Variants in PKHD1 observed in about 807,000 individuals in gnomAD.
PKHD1 encodes the protein PKHD1 ciliary IPT domain containing fibrocystin/polyductin.
In PKHD1, 291 loss-of-function variants were observed where a neutral mutation model predicts 412.0. The ratio of observed to expected loss-of-function variants is 0.71; its 90% CI spans 0.64 to 0.78. The LOEUF is 0.78. Ranked by LOEUF, PKHD1 falls within the 30% of genes least tolerant of loss-of-function variation. The probability of loss-of-function intolerance (pLI) is 0.00; values close to 1 mark genes in which losing one functional copy is unlikely to be tolerated. For missense variants in PKHD1, 4,825 were observed against 4,950.7 expected (o/e 0.97, Z 0.76); for synonymous variants, 1,777 against 1,821.5 (o/e 0.98, Z 0.62).
Position 51,698,579 on chromosome 6 carries a change from T to A in PKHD1, c.10157-38610A>T, listed in dbSNP as rs145761659. Among the ~76,000 whole-genome samples the A allele has an allele frequency of 1.9e-4, 29 of 152,282 alleles. No individual in the cohort carries two copies. In the East Asian group the frequency reaches 5.4e-3, roughly 28 times the overall value. ...TGATCTAGGATGGTAATTCCCATGGTTCCTAAGGAGCACAAGCATCAATCA... is the reference window on the plus strand; with the variant it reads ...TGATCTAGGATGGTAATTCCCATGGATCCTAAGGAGCACAAGCATCAATCA... On this transcript the variant is annotated intron_variant, in intron 60 of 66. Transcript: ENST00000371117.
At chr6:51,858,186 C>A (rs1045816113) in intron 48 of PKHD1, among the ~76,000 whole-genome samples, 1 of 152,194 alleles carries the variant, frequency 6.6e-6, no homozygotes, top group Non-Finnish European at 1.5e-5. Context: ...GGGGTGTTTA[C>A]ATCTTCGAAT....
At chr6:51,733,551 T>A (rs1157495778) in intron 60 of PKHD1, among the ~76,000 whole-genome samples, 94 of 117,528 alleles carry the variant, frequency 8.0e-4, no homozygotes, top group Admixed American at 7.2e-3. Context: ...AAAAAAAAAA[T>A]GGTTAAGATG....
Position 51,847,922 on chromosome 6 carries a change from C to A in PKHD1, c.7960G>T (p.Val2654Leu), listed in dbSNP as rs1464426627. ...NFAPGNYLLL[V>L]HTDLPPYPDI... ...GGGTAAGGCGGCAAATCTGTGTGCA[C>A]CAGCAGTAGGTAATTACCAGGAGCA... Residue 2654 changes from valine to leucine, a missense_variant, in exon 50 of 67, where the codon GTG becomes TTG. Transcript: ENST00000371117. 2 of 1,613,950 alleles carry A rather than the reference C, an allele frequency of 1.2e-6. No homozygotes were observed. Among genetic ancestry groups the A allele is most frequent in the South Asian group, 1.1e-5 (1 of 91,070 alleles).
intron 19 of PKHD1, among the ~76,000 whole-genome samples, chr6:52,054,983 G>A (rs1440118843): frequency 6.6e-6 from 1 of 152,186 alleles, no homozygotes; most frequent in Admixed American, 6.5e-5. Context: ...TTCCCAAAGG[G>A]CAAATCAGCT....
chr6:51,654,159 C>A (rs922030225), intron 61 of PKHD1, among the ~76,000 whole-genome samples: 1 of 152,136 alleles, frequency 6.6e-6, no homozygotes, highest in African/African-American at 2.4e-5. Flanking sequence ...TGCTTAGGCA[C>A]ACTTGAGAAT....
At chr6:51,729,352 T>C (rs1782966463) in intron 60 of PKHD1, among the ~76,000 whole-genome samples, 1 of 152,196 alleles carries the variant, frequency 6.6e-6, no homozygotes, top group Non-Finnish European at 1.5e-5. Flanking sequence ...AACCAACTCA[T>C]GTTTCAAGAT....
At chr6:52,087,004 A>G (rs1276316522) in intron 1 of PKHD1, among the ~76,000 whole-genome samples, 1 of 152,060 alleles carries the variant, frequency 6.6e-6, no homozygotes, top group Non-Finnish European at 1.5e-5. Context: ...CTTAATGCCT[A>G]CTCCCAAGCT....
chr6:51,982,875 T>TAAAAATA (rs747895518), intron 35 of PKHD1, among the ~76,000 whole-genome samples: 1 of 137,078 alleles, frequency 7.3e-6, no homozygotes, highest in East Asian at 2.1e-4. Flanking sequence ...TAAAATAAAA[T>TAAAAATA]AAAATAAAAT....
At position 51,739,955 on chromosome 6, in the gene PKHD1, A is replaced by G. The variant is rs552674215; in HGVS notation, c.10156+4430T>C. 3 of 518,728 alleles carry G rather than the reference A, an allele frequency of 5.8e-6. No individual in the cohort carries two copies. In the East Asian group the frequency reaches 1.6e-4, roughly 28 times the overall value. 32.1% of individuals were successfully genotyped at this position (518,728 alleles called of 1,614,324 possible). A position where few individuals can be genotyped will look rare whatever the true frequency, so the allele number is the denominator to read the frequency against. Reference sequence around the variant, plus strand: ...GACGGAAACTGAGTTTGGAGCCAGAATGGAAAGCTTTGGTATCTGCCTAAT... The same window carrying G: ...GACGGAAACTGAGTTTGGAGCCAGAGTGGAAAGCTTTGGTATCTGCCTAAT... On this transcript the variant is annotated intron_variant, in intron 60 of 66. Transcript: ENST00000371117.
chr6:51,631,927 C>CTTTTTTTT (rs1277193806), intron 65 of PKHD1, among the ~76,000 whole-genome samples: 73 of 137,630 alleles, frequency 5.3e-4, no homozygotes, highest in Middle Eastern at 3.8e-3. Flanking sequence ...TCCCCGGATT[C>CTTTTTTTT]TTTTTTTTTT....
intron 61 of PKHD1, among the ~76,000 whole-genome samples, chr6:51,657,427 G>A (rs1388710003): frequency 1.3e-5 from 2 of 152,122 alleles, no homozygotes; most frequent in Non-Finnish European, 2.9e-5. Context: ...TACTTAAGAA[G>A]CAGCCCTTCT....
chr6:51,904,073 T>C (rs767090126), intron 41 of PKHD1, 31 bp from the exon 42 acceptor site: 33 of 1,433,660 alleles, frequency 2.3e-5, no homozygotes, highest in Non-Finnish European at 3.0e-5. Flanking sequence ...TACTTGAGTA[T>C]ATTTTATGTC....
intron 52 of PKHD1, among the ~76,000 whole-genome samples, chr6:51,813,644 C>T (rs531392127): frequency 1.3e-5 from 2 of 152,118 alleles, no homozygotes; most frequent in African/African-American, 4.8e-5. Context: ...AAGTGCAGTG[C>T]TTGGAACTAA....
chr6:51,650,666 T>G (rs902379030), intron 61 of PKHD1, among the ~76,000 whole-genome samples: 28 of 152,080 alleles, frequency 1.8e-4, no homozygotes, highest in African/African-American at 6.3e-4. Context: ...GAAGTTTCCA[T>G]AGGAAGCAAT....
intron 55 of PKHD1, among the ~76,000 whole-genome samples, chr6:51,759,968 T>C (rs1438377052): frequency 6.6e-6 from 1 of 152,034 alleles, no homozygotes; most frequent in Non-Finnish European, 1.5e-5. Flanking sequence ...ATCATAATAG[T>C]AGTGAATTTG....
chr6:51,820,757 C>T (rs1478590707), intron 52 of PKHD1, among the ~76,000 whole-genome samples: 1 of 152,110 alleles, frequency 6.6e-6, no homozygotes, highest in East Asian at 1.9e-4. Context: ...TGCTGGCCTG[C>T]CTGTACCTAC....
chr6:51,683,343 G>A (rs1397552736), intron 60 of PKHD1, among the ~76,000 whole-genome samples: 1 of 152,012 alleles, frequency 6.6e-6, no homozygotes, highest in African/African-American at 2.4e-5. Context: ...AACACTGGGA[G>A]ACAGAATGGC....
At chr6:51,728,250 A>T (rs1202520161) in intron 60 of PKHD1, among the ~76,000 whole-genome samples, 1 of 152,194 alleles carries the variant, frequency 6.6e-6, no homozygotes, top group Admixed American at 6.5e-5. Context: ...AAAGTAATTT[A>T]TAACCTGGCA....
intron 55 of PKHD1, among the ~76,000 whole-genome samples, chr6:51,755,952 T>C (rs78338411): frequency 0.012 from 1,832 of 151,538 alleles, 21 homozygotes; most frequent in Non-Finnish European, 0.018. Flanking sequence ...ACTGTATGGG[T>C]GTGTATTACA....
Sources: gnomAD v4.1 joint callset for allele counts (sites outside exome capture counted in the v4.1 genomes callset) on GRCh38, gnomAD v4.1.1 for gene constraint, MANE v1.5 for transcripts, NCBI Gene and HGNC (gene_info 2026-07-23, HGNC 2026-07-21) for gene names.